The following PCNX1 variants were observed in gnomAD, a reference collection of about 807,000 sequenced individuals.
The protein encoded by PCNX1 is pecanex 1.
PCNX1 carries 78 observed loss-of-function variants against 242.2 expected under a neutral mutation model. That is an observed-to-expected ratio of 0.32 (90% confidence interval 0.27 to 0.39). PCNX1 has a LOEUF of 0.39. Among genes scored for constraint, PCNX1 ranks in the 10% least tolerant of loss-of-function variants. The pLI is 1.00. For synonymous variants in PCNX1, 1,024 were observed against 1,032.9 expected, an observed-to-expected ratio of 0.99 and a Z score of 0.17; for missense variants, 2,581 against 2,856.5, an observed-to-expected ratio of 0.90 and a Z score of 2.20.
At chr14:71,053,872 G>A (rs749178313) in intron 24 of PCNX1, among the ~76,000 whole-genome samples, 5 of 152,090 alleles carry the variant, frequency 3.3e-5, no homozygotes, top group Non-Finnish European at 7.4e-5. Context: ...ATCTCTTAAT[G>A]TCTGGGTTAT....
chr14:70,938,644 A>G (rs2057107387), intron 1 of PCNX1, among the ~76,000 whole-genome samples: 1 of 152,208 alleles, frequency 6.6e-6, no homozygotes, highest in South Asian at 2.1e-4. Flanking sequence ...CTGGCCTCAT[A>G]AAATGAGTTA....
chr14:71,023,366 A>C lies in PCNX1; in HGVS notation c.3183+134A>C, dbSNP rs1245985076. ...TAAAATTTATGTTATTATTTTCCTC[A>C]TCTATGTTTTGACACACTACTAGAA... On this transcript the variant is annotated intron_variant, in intron 13 of 35. Coordinates refer to ENST00000304743, the MANE Select transcript of PCNX1 (RefSeq NM_014982.3). 1.0e-5 allele frequency: 7 copies of C among 677,610 alleles called. No individual in the cohort carries two copies. In the South Asian group the frequency reaches 1.3e-4, roughly 12 times the overall value. The allele number at this position is 677,610 out of a possible 1,614,324, so 42.0% of individuals were successfully genotyped here.
intron 8 of PCNX1, 151 bp from the exon 9 acceptor site, chr14:71,009,483 G>A (rs1357583668): frequency 2.3e-6 from 1 of 435,934 alleles, no homozygotes; most frequent in African/African-American, 2.0e-5. Context: ...ACATCTTGCT[G>A]AATTACATGC....
chr14:71,012,961 C>T (rs749105993), intron 10 of PCNX1, 24 bp from the exon 11 acceptor site: 3 of 1,453,012 alleles, frequency 2.1e-6, no homozygotes, highest in Non-Finnish European at 2.9e-6. Context: ...TATTTTAAGC[C>T]TTTCAATGCT....
chr14:71,073,589 G>A lies in PCNX1; in HGVS notation c.4897G>A (p.Val1633Ile). The A allele has an allele frequency of 6.2e-7, 1 of 1,613,840 alleles. No individual in the cohort carries two copies. ...GGAAGTGGAGGCCATTACTGAAGGT[G>A]TAGAGGAAGATGAAGGATTTTGCTG... is the stretch of plus-strand genomic sequence containing the variant. Reference protein sequence around the residue: ...QREVEAITEGVEEDEGFCCCE... With the variant: ...QREVEAITEGIEEDEGFCCCE... Residue 1633 changes from valine (V) to isoleucine (I), a missense_variant, in exon 27 of 36, where the codon GTA (valine) becomes ATA (isoleucine). Val to Ile is a conservative substitution (Grantham distance 29). Coordinates refer to ENST00000304743, the MANE Select transcript of PCNX1 (RefSeq NM_014982.3).
chr14:70,967,049 G>GT (rs1423435745), intron 3 of PCNX1, among the ~76,000 whole-genome samples: 3 of 152,096 alleles, frequency 2.0e-5, no homozygotes, highest in African/African-American at 7.2e-5. Context: ...TACCTCAAGA[G>GT]TTTATTTGTA....
At chr14:71,009,897 T>C in intron 9 of PCNX1, 173 bp downstream of exon 9, 1 of 437,822 alleles carries the variant, frequency 2.3e-6, no homozygotes, top group Non-Finnish European at 4.1e-6. Flanking sequence ...TTTTGAAATA[T>C]CATATACATT....
At chr14:71,107,326 C>G (rs549665693) in intron 33 of PCNX1, among the ~76,000 whole-genome samples, 41 of 152,122 alleles carry the variant, frequency 2.7e-4, no homozygotes, top group Middle Eastern at 3.4e-3. Flanking sequence ...AAATACGTAT[C>G]TGAGATCTGT....
intron 20 of PCNX1, among the ~76,000 whole-genome samples, chr14:71,046,452 ATTTCTTAGAGAACTTCCT>A (rs2060863567): frequency 6.6e-6 from 1 of 151,972 alleles, no homozygotes; most frequent in Non-Finnish European, 1.5e-5. Flanking sequence ...AAAAAATATT[ATTTCTTAGAGAACTTCCT>A]AAAGCCAGGT....
chr14:70,959,770 G>T (rs1595054765), intron 2 of PCNX1, among the ~76,000 whole-genome samples: 1 of 148,054 alleles, frequency 6.8e-6, no homozygotes, highest in African/African-American at 2.5e-5. Context: ...GGGTCAAATG[G>T]TATTTCTAGT....
intron 26 of PCNX1, among the ~76,000 whole-genome samples, chr14:71,065,693 C>T (rs1193980771): frequency 6.6e-6 from 1 of 152,136 alleles, no homozygotes; most frequent in Non-Finnish European, 1.5e-5. Context: ...CTGCCCATGC[C>T]TATGTCCTGA....
chr14:71,012,706 G>A (rs1441367367), intron 10 of PCNX1: 4 of 351,742 alleles, frequency 1.1e-5, no homozygotes, highest in Non-Finnish European at 2.1e-5. Flanking sequence ...GGTGGCAGGT[G>A]CCTGTAATCC....
At chr14:71,039,155 T>G (rs8013146) in intron 19 of PCNX1, among the ~76,000 whole-genome samples, 44,778 of 151,420 alleles carry the variant, frequency 0.3, 6,617 homozygotes, top group Middle Eastern at 0.4. Flanking sequence ...CACACCAGCA[T>G]GGCACATGTA....
Position 71,009,669 on chromosome 14 carries a change from T to C in PCNX1, c.2665T>C (p.Cys889Arg), listed in dbSNP as rs1390281236. Residue 889 changes from cysteine to arginine, a missense_variant, in exon 9 of 36, where the codon TGT (cysteine) becomes CGT (arginine). By Grantham distance (180) the Cys-to-Arg change is radical. Coordinates refer to ENST00000304743, the MANE Select transcript of PCNX1 (RefSeq NM_014982.3). ...FSSTLYETGG[C>R]DMSLVNFEPA... ...TTCTACGCTGTATGAGACTGGTGGC[T>C]GTGATATGTCACTTGTGAATTTTGA... is the stretch of plus-strand genomic sequence containing the variant. The C allele has an allele frequency of 6.2e-7, 1 of 1,604,796 alleles. No individual in the cohort carries two copies. The highest frequency in any genetic ancestry group is 1.3e-5 in the African/African-American group (1 of 74,854).
At chr14:71,016,898 TAAAG>T (rs905576477) in intron 11 of PCNX1, among the ~76,000 whole-genome samples, 6 of 151,874 alleles carry the variant, frequency 4.0e-5, no homozygotes, top group African/African-American at 9.7e-5. Context: ...AGAGAAATAA[TAAAG>T]AAAATCAAGG....
intron 1 of PCNX1, among the ~76,000 whole-genome samples, chr14:70,923,670 C>A (rs979445860): frequency 1.3e-5 from 2 of 152,154 alleles, no homozygotes; most frequent in Non-Finnish European, 2.9e-5. Flanking sequence ...TTCCCCACCC[C>A]CCACTTAATA....
intron 5 of PCNX1, chr14:70,970,026 A>ATGTG (rs2058494500): frequency 6.6e-6 from 1 of 151,760 alleles, no homozygotes; most frequent in Admixed American, 6.6e-5. Flanking sequence ...GTATGTATGT[A>ATGTG]TGTATGTACT....
intron 24 of PCNX1, chr14:71,053,158 T>G (rs2061085243): frequency 2.4e-6 from 1 of 409,384 alleles, no homozygotes; most frequent in Non-Finnish European, 4.7e-6. Flanking sequence ...TTGGTGAATT[T>G]TGGTGTTATT....
intron 1 of PCNX1, among the ~76,000 whole-genome samples, chr14:70,938,437 G>C (rs545025392): frequency 1.3e-5 from 2 of 152,300 alleles, no homozygotes; most frequent in East Asian, 1.9e-4. Context: ...TACATTTGTT[G>C]ATTTGTGTAT....
Sources: allele counts gnomAD v4.1 joint callset (sites outside exome capture counted in the v4.1 genomes callset), GRCh38; gene constraint gnomAD v4.1.1; transcripts MANE v1.5; gene names NCBI Gene and HGNC (gene_info 2026-07-23, HGNC 2026-07-21).